Variants in MORN1 observed in about 807,000 individuals in gnomAD.
MORN1 encodes MORN repeat-containing protein 1.
MORN1 carries 67 observed loss-of-function variants against 61.9 expected under a neutral mutation model. That is an observed-to-expected ratio of 1.08 (90% CI 0.89 to 1.33). MORN1 has a LOEUF of 1.33. MORN1 is among the 40% of genes most tolerant of loss of function. The probability of loss-of-function intolerance (pLI) is 0.00; values close to 1 mark genes in which losing one functional copy is unlikely to be tolerated. For synonymous variants in MORN1, 301 were observed against 292.0 expected, an observed-to-expected ratio of 1.03 and a Z score of -0.31; for missense variants, 752 against 691.2, an observed-to-expected ratio of 1.09 and a Z score of -0.99.
chr1:2,325,572 C>T (rs1569906416), intron 12 of MORN1, among the ~76,000 whole-genome samples: 1 of 151,572 alleles, frequency 6.6e-6, no homozygotes, highest in South Asian at 2.1e-4. Flanking sequence ...GTCTCAAACT[C>T]CTGGGCTCAG....
chr1:2,322,560 A>AAAAAAAAC, intron 13 of MORN1: 2 of 985,204 alleles, frequency 2.0e-6, no homozygotes, highest in Non-Finnish European at 2.4e-6. Flanking sequence ...CCTTTAGAAA[A>AAAAAAAAC]AAAAAAACAC....
intron 12 of MORN1, among the ~76,000 whole-genome samples, chr1:2,328,627 G>A (rs1473742917): frequency 6.6e-6 from 1 of 152,198 alleles, no homozygotes; most frequent in African/African-American, 2.4e-5. Flanking sequence ...CCCTGTGAAA[G>A]TCTGAAAATC....
At chr1:2,354,380 C>T (rs1482937780) in intron 10 of MORN1, among the ~76,000 whole-genome samples, 1 of 151,768 alleles carries the variant, frequency 6.6e-6, no homozygotes, top group Admixed American at 6.6e-5. Context: ...GCCTGGGCAA[C>T]ATGGCGAGGC....
At position 2,389,917 on chromosome 1, in the gene MORN1, C is replaced by T; in HGVS notation, c.148+8G>A. 1 of 1,613,706 alleles carries T rather than the reference C, an allele frequency of 6.2e-7. No homozygotes were observed. The highest frequency in any genetic ancestry group is 8.5e-7 in the Non-Finnish European group (1 of 1,179,618). ...CAGCTGCAAGAAGAGACCACAGATGCTTCTCACCGTGCTTCCTCCCTGCTT... is the reference window on the plus strand; with the variant it reads ...CAGCTGCAAGAAGAGACCACAGATGTTTCTCACCGTGCTTCCTCCCTGCTT... On this transcript the variant is annotated splice_region_variant and intron_variant, in intron 2 of 13. Coordinates refer to ENST00000378531, the MANE Select transcript of MORN1 (RefSeq NM_024848.3).
rs182417247 is a variant in MORN1, at chr1:2,355,080, G to A, written c.1036+2352C>T. The A allele has an allele frequency of 8.1e-3, 7,118 of 879,650 alleles. 44 individuals carry two copies. The highest frequency in any genetic ancestry group is 0.01 in the South Asian group (214 of 20,732). The allele number at this position is 879,650 out of a possible 1,614,324, so 54.5% of individuals were successfully genotyped here. On this transcript the variant is annotated intron_variant, in intron 10 of 13. Transcript: ENST00000378531. ...CAGACTCAGGCAGTGGGGCCGGCGC[G>A]GGGGGCCCGCGCGGGGTAGGGTGCG...
At chr1:2,351,872 C>A (rs1641656054) in intron 10 of MORN1, 8 of 505,304 alleles carry the variant, frequency 1.6e-5, no homozygotes, top group African/African-American at 2.0e-5. Context: ...CTGCCGTTCC[C>A]CCAGATCCAA....
intron 10 of MORN1, among the ~76,000 whole-genome samples, chr1:2,345,497 G>A (rs1022819142): frequency 6.6e-6 from 1 of 152,220 alleles, no homozygotes; most frequent in African/African-American, 2.4e-5. Context: ...CTGCACCGGG[G>A]GACCCCCTGC....
At chr1:2,363,542 A>C (rs1641936697) in intron 8 of MORN1, 1 of 152,190 alleles carries the variant, frequency 6.6e-6, no homozygotes, top group Non-Finnish European at 1.5e-5. Context: ...AGATTGCTTG[A>C]GACCAGGAGT....
chr1:2,345,789 AG>A (rs761939882), intron 10 of MORN1, among the ~76,000 whole-genome samples: 14 of 151,980 alleles, frequency 9.2e-5, no homozygotes, highest in Non-Finnish European at 1.8e-4. Flanking sequence ...AGGCCCTGCC[AG>A]GGGAAAGCAA....
intron 8 of MORN1, among the ~76,000 whole-genome samples, chr1:2,365,342 TC>T (rs1160784360): frequency 7.0e-6 from 1 of 143,860 alleles, no homozygotes; most frequent in Non-Finnish European, 1.5e-5. Flanking sequence ...GGGAGTTCAC[TC>T]ATGATTTGGC....
At chr1:2,379,125 G>C (rs1461963887) in intron 6 of MORN1, 1 of 471,210 alleles carries the variant, frequency 2.1e-6, no homozygotes, top group East Asian at 6.9e-5. Flanking sequence ...TCGAGAGGGA[G>C]AACAGGTCTC....
At chr1:2,332,834 C>T in intron 12 of MORN1, 1 of 421,126 alleles carries the variant, frequency 2.4e-6, no homozygotes, top group Non-Finnish European at 4.8e-6. Flanking sequence ...GAGCCAGGAC[C>T]CCAGGGTCTC....
At chr1:2,321,967 C>G in intron 13 of MORN1, 1 of 969,568 alleles carries the variant, frequency 1.0e-6, no homozygotes. Context: ...TACTTTCCTA[C>G]TTTTTTAGGA....
At chr1:2,340,157 C>T (rs1641364994) in intron 10 of MORN1, among the ~76,000 whole-genome samples, 1 of 152,180 alleles carries the variant, frequency 6.6e-6, no homozygotes. Flanking sequence ...TCCGGGAGAC[C>T]TCGGAGGCTG....
In MORN1 at chr1:2,387,512, G is replaced by A. The variant is rs755773438; in HGVS notation, c.265C>T (p.Gln89Ter). 1 of 1,612,234 alleles carries A rather than the reference G, an allele frequency of 6.2e-7. No homozygotes were observed. Among genetic ancestry groups the A allele is most frequent in the Non-Finnish European group, 8.5e-7 (1 of 1,179,824 alleles). The change falls in exon 4 of 14, where the codon CAG becomes TAG. Residue 89 changes from glutamine to a stop codon, truncating the protein, a stop_gained. Transcript: ENST00000378531. LOFTEE classifies it high-confidence loss of function. ...WAWSGDTFSG[Q>*]FVLGEPQGYG... ...CCTTGAGGCTCTCCCAGAACAAACT[G>A]TCCAGAGAAGGTGTCTCCTGCATGT...
chr1:2,327,477 C>T (rs1359506771), intron 12 of MORN1, among the ~76,000 whole-genome samples: 1 of 150,164 alleles, frequency 6.7e-6, no homozygotes, highest in Non-Finnish European at 1.5e-5. Flanking sequence ...AACACAGAAA[C>T]ACACAGAAAC....
chr1:2,346,632 C>T (rs1241918403), intron 10 of MORN1, among the ~76,000 whole-genome samples: 4 of 152,200 alleles, frequency 2.6e-5, no homozygotes, highest in South Asian at 2.1e-4. Context: ...GTGATCCACC[C>T]GCCTTGACCT....
chr1:2,370,959 A>G (rs1167916862), intron 8 of MORN1, among the ~76,000 whole-genome samples: 2 of 151,896 alleles, frequency 1.3e-5, no homozygotes, highest in Non-Finnish European at 2.9e-5. Context: ...TAATCCCAGC[A>G]CTTTGGGAGG....
chr1:2,333,713 A>G (rs901803604), intron 12 of MORN1, among the ~76,000 whole-genome samples: 2 of 152,130 alleles, frequency 1.3e-5, no homozygotes, highest in African/African-American at 2.4e-5. Flanking sequence ...GGCAGCCCCA[A>G]CGGTGCCAGG....
Sources: gnomAD v4.1 joint callset for allele counts (sites outside exome capture counted in the v4.1 genomes callset) on GRCh38, gnomAD v4.1.1 for gene constraint, MANE v1.5 for transcripts, NCBI Gene and HGNC (gene_info 2026-07-23, HGNC 2026-07-21) for gene names.